Variants in UBE2W observed in about 807,000 individuals in gnomAD.
UBE2W encodes the protein ubiquitin-conjugating enzyme E2 W.
Under a neutral mutation model 27.2 loss-of-function variants are expected in UBE2W, and 18 were observed. That is an observed-to-expected ratio of 0.66 (90% CI 0.46 to 0.98). UBE2W has a LOEUF of 0.98. UBE2W is among the 50% of genes least tolerant of loss of function. The pLI is 0.00. For synonymous variants in UBE2W, 53 were observed against 57.2 expected (o/e 0.93, Z 0.33); for missense variants, 90 against 180.2 (o/e 0.50, Z 2.87).
intron 3 of UBE2W, among the ~76,000 whole-genome samples, chr8:73,821,519 T>G: frequency 4.0e-5 from 1 of 24,792 alleles, no homozygotes; most frequent in East Asian, 1.5e-3. Flanking sequence ...AGTGTGTGTG[T>G]GGTGGGGGGG....
intron 4 of UBE2W, among the ~76,000 whole-genome samples, chr8:73,807,541 T>C (rs1808967354): frequency 6.6e-6 from 1 of 152,196 alleles, no homozygotes; most frequent in African/African-American, 2.4e-5. Context: ...AGTCAAGACA[T>C]TTAGGTATTC....
chr8:73,785,529 T>G (rs1346779487), downstream of UBE2W, among the ~76,000 whole-genome samples: 1 of 152,194 alleles, frequency 6.6e-6, no homozygotes, highest in Non-Finnish European at 1.5e-5. Context: ...GGGTTTGGGC[T>G]CTATTGAACC....
chr8:73,789,171 G>A lies in UBE2W; in HGVS notation c.*4931C>T. The A allele has an allele frequency of 2.0e-6, 2 of 984,918 alleles. No homozygotes were observed. The highest frequency in any genetic ancestry group is 1.2e-6 in the Non-Finnish European group (1 of 829,838). The allele number at this position is 984,918 out of a possible 1,614,324, so 61.0% of individuals were successfully genotyped here. A position where few individuals can be genotyped will look rare whatever the true frequency, so the allele number is the denominator to read the frequency against. Reference sequence around the variant, plus strand: ...TAATGATAATGATGTACATAAACCTGTCTTAAATCGGCAAACAGACGAGGC... The same window carrying A: ...TAATGATAATGATGTACATAAACCTATCTTAAATCGGCAAACAGACGAGGC... On this transcript the variant is annotated 3_prime_UTR_variant, in exon 6 of 6. Transcript: ENST00000602593.
At chr8:73,829,264 G>A (rs1241471131) in intron 2 of UBE2W, among the ~76,000 whole-genome samples, 1 of 152,058 alleles carries the variant, frequency 6.6e-6, no homozygotes, top group Non-Finnish European at 1.5e-5. Context: ...AACGATGAAA[G>A]AAGAAGTAAT....
intron 1 of UBE2W, among the ~76,000 whole-genome samples, chr8:73,852,783 CT>C (rs1202501697): frequency 6.6e-6 from 1 of 152,108 alleles, no homozygotes; most frequent in Admixed American, 6.5e-5. Context: ...ATAACGCCAC[CT>C]TCAAAAGGTG....
intron 1 of UBE2W, among the ~76,000 whole-genome samples, chr8:73,838,303 T>C (rs80267474): frequency 0.057 from 8,660 of 152,192 alleles, 810 homozygotes; most frequent in African/African-American, 0.19. Flanking sequence ...AAGAAAACCA[T>C]TGACAAATTC....
chr8:73,852,589 A>C (rs1377199375), intron 1 of UBE2W, among the ~76,000 whole-genome samples: 1 of 152,172 alleles, frequency 6.6e-6, no homozygotes, highest in African/African-American at 2.4e-5. Flanking sequence ...TGGAAGAATA[A>C]ATTTTTTTTC....
Position 73,788,179 on chromosome 8 carries a change from G to A in UBE2W, c.*5923C>T, listed in dbSNP as rs899164989. 16 of 968,492 alleles carry A rather than the reference G, an allele frequency of 1.7e-5. No individual in the cohort carries two copies. The highest frequency in any genetic ancestry group is 2.0e-5 in the Non-Finnish European group (16 of 814,884). The allele number at this position is 968,492 out of a possible 1,614,324, so 60.0% of individuals were successfully genotyped here. ...AAGTTATGAAATTCCATAAAGCAAA[G>A]TAATCTGCATTCAACTAACAAGTCT... On this transcript the variant is annotated 3_prime_UTR_variant, in exon 6 of 6. Coordinates refer to ENST00000602593, the MANE Select transcript of UBE2W (RefSeq NM_018299.6).
chr8:73,873,647 C>G (rs879928405), intron 1 of UBE2W, among the ~76,000 whole-genome samples: 1 of 152,110 alleles, frequency 6.6e-6, no homozygotes, highest in South Asian at 2.1e-4. Flanking sequence ...CAGAGTGAGA[C>G]CCTGTCTCAG....
At chr8:73,864,131 C>A (rs150782843) in intron 1 of UBE2W, among the ~76,000 whole-genome samples, 1 of 151,890 alleles carries the variant, frequency 6.6e-6, no homozygotes, top group South Asian at 2.1e-4. Context: ...GAGTGGCTCA[C>A]GCCTGTAATC....
At chr8:73,785,308 G>T (rs527776721), downstream of UBE2W, among the ~76,000 whole-genome samples, 1 of 151,900 alleles carries the variant, frequency 6.6e-6, no homozygotes, top group Non-Finnish European at 1.5e-5. Context: ...ACCATGCCCA[G>T]CTTTTTTGTA....
intron 1 of UBE2W, among the ~76,000 whole-genome samples, chr8:73,861,849 CAA>C (rs764602944): frequency 6.6e-6 from 1 of 152,012 alleles, no homozygotes; most frequent in Non-Finnish European, 1.5e-5. Flanking sequence ...GGCCATCAAA[CAA>C]AACATTTTAC....
chr8:73,821,523 G>A (rs541497658), intron 3 of UBE2W, among the ~76,000 whole-genome samples: 1 of 139,894 alleles, frequency 7.1e-6, no homozygotes. Context: ...TGTGTGTGGT[G>A]GGGGGGTGGA....
In UBE2W at chr8:73,794,068, A is replaced by G; in HGVS notation, c.*34T>C. 6.2e-7 allele frequency: 1 copy of G among 1,613,052 alleles called. No homozygotes were observed. Among genetic ancestry groups the G allele is most frequent in the Non-Finnish European group, 8.5e-7 (1 of 1,179,486 alleles). On this transcript the variant is annotated 3_prime_UTR_variant, in exon 6 of 6. Transcript: ENST00000602593. ...TCAAAGTGCTCATTTTCTCAGTAGGACTATCTTCTGCTAGGAGGATGATAA... is the reference window on the plus strand; with the variant it reads ...TCAAAGTGCTCATTTTCTCAGTAGGGCTATCTTCTGCTAGGAGGATGATAA...
At position 73,836,737 on chromosome 8, in the gene UBE2W, C is replaced by G. The variant is rs368958120; in HGVS notation, c.16-6265G>C. 1.8e-4 allele frequency among the ~76,000 whole-genome samples: 28 copies of G among 152,250 alleles called. No individual in the cohort carries two copies. In the South Asian group the frequency reaches 5.4e-3, roughly 29 times the overall value. The stretch of plus-strand genomic sequence containing the variant: ...CCTATAAATGAAGACAAAGTATTAA[C>G]AAATTTGTTAAGAAACACTAGTATT... On this transcript the variant is annotated intron_variant, in intron 1 of 5. Transcript: ENST00000602593.
intron 1 of UBE2W, among the ~76,000 whole-genome samples, chr8:73,841,327 T>G (rs1051521263): frequency 6.6e-6 from 1 of 152,100 alleles, no homozygotes; most frequent in African/African-American, 2.4e-5. Flanking sequence ...TCAGGCTGAG[T>G]AAGGAAGCAT....
intron 2 of UBE2W, among the ~76,000 whole-genome samples, chr8:73,827,888 T>C (rs1431484595): frequency 6.6e-6 from 1 of 152,190 alleles, no homozygotes; most frequent in East Asian, 1.9e-4. Context: ...ATGTTCATTG[T>C]AGAAACTTCA....
In UBE2W at chr8:73,826,759, A is replaced by C. The variant is rs115180134; in HGVS notation, c.108-1510T>G. 2.6e-3 allele frequency among the ~76,000 whole-genome samples: 392 copies of C among 152,358 alleles called. 1 individual carries two copies. The highest frequency in any genetic ancestry group is 8.9e-3 in the African/African-American group (372 of 41,582). ...ACTCATTGTGTGAACAAGTTATGTT[A>C]TCTCTCCAGTTTTAACTACCTCAAT... On this transcript the variant is annotated intron_variant, in intron 2 of 5. Coordinates refer to ENST00000602593, the MANE Select transcript of UBE2W (RefSeq NM_018299.6).
intron 1 of UBE2W, among the ~76,000 whole-genome samples, chr8:73,850,370 G>A (rs569576236): frequency 6.6e-6 from 1 of 152,216 alleles, no homozygotes; most frequent in Non-Finnish European, 1.5e-5. Flanking sequence ...CCATAACCTA[G>A]CACTTGCATT....
Sources: gnomAD v4.1 joint callset for allele counts (sites outside exome capture counted in the v4.1 genomes callset) on GRCh38, gnomAD v4.1.1 for gene constraint, MANE v1.5 for transcripts, NCBI Gene and HGNC (gene_info 2026-07-23, HGNC 2026-07-21) for gene names.